The following SOX5 variants were observed in gnomAD, a reference collection of about 807,000 sequenced individuals.
SOX5 encodes transcription factor SOX-5.
SOX5 carries 9 observed loss-of-function variants against 92.0 expected under a neutral mutation model. The observed-to-expected ratio is 0.10, with a 90% confidence interval of 0.06 to 0.17. The LOEUF is 0.17. Among genes scored for constraint, SOX5 ranks in the 10% least tolerant of loss-of-function variants. SOX5 has a pLI of 1.00. For synonymous variants in SOX5, 344 were observed against 336.3 expected (o/e 1.02, Z -0.25); for missense variants, 642 against 944.5 (o/e 0.68, Z 4.20).
intron 1 of SOX5, among the ~76,000 whole-genome samples, chr12:24,388,712 C>G (rs78450840): frequency 0.024 from 3,714 of 152,184 alleles, 73 homozygotes; most frequent in East Asian, 0.05. Flanking sequence ...AATTTTTGAA[C>G]ACTTTCGTCA....
At chr12:23,880,980 C>A (rs979591615) in intron 2 of SOX5, among the ~76,000 whole-genome samples, 8 of 152,176 alleles carry the variant, frequency 5.3e-5, no homozygotes, top group African/African-American at 1.4e-4. Flanking sequence ...CTATTGTCTC[C>A]TTGATTTAAA....
chr12:24,070,391 A>G (rs979003340), intron 4 of SOX5, among the ~76,000 whole-genome samples: 1 of 152,136 alleles, frequency 6.6e-6, no homozygotes, highest in East Asian at 1.9e-4. Context: ...CATAATGGAC[A>G]GTTTTGTTTG....
chr12:23,543,970 C>T (rs961515600), intron 12 of SOX5, among the ~76,000 whole-genome samples: 1 of 152,170 alleles, frequency 6.6e-6, no homozygotes, highest in African/African-American at 2.4e-5. Context: ...AAATGCATGA[C>T]ATATGCTGAT....
At chr12:24,333,213 T>C (rs1337132870) in intron 2 of SOX5, among the ~76,000 whole-genome samples, 1 of 151,986 alleles carries the variant, frequency 6.6e-6, no homozygotes, top group Non-Finnish European at 1.5e-5. Context: ...GCTAGTTTAA[T>C]ACTGATGCTA....
intron 4 of SOX5, among the ~76,000 whole-genome samples, chr12:23,989,018 G>A (rs376700053): frequency 2.0e-5 from 3 of 152,222 alleles, no homozygotes; most frequent in Admixed American, 6.5e-5. Context: ...TGAGTAGGAA[G>A]TTGTTATTTC....
intron 4 of SOX5, among the ~76,000 whole-genome samples, chr12:24,162,406 G>T (rs894592753): frequency 1.3e-5 from 2 of 152,106 alleles, no homozygotes; most frequent in Non-Finnish European, 1.5e-5. Context: ...TCTGATATCA[G>T]GGTTGATAGA....
chr12:24,139,319 G>A (rs944993819), intron 4 of SOX5, among the ~76,000 whole-genome samples: 4 of 152,110 alleles, frequency 2.6e-5, no homozygotes, highest in African/African-American at 7.2e-5. Context: ...TTAATAGCTC[G>A]CTTCTTCTAA....
chr12:23,991,944 AAAAG>A (rs1287033492), intron 4 of SOX5, among the ~76,000 whole-genome samples: 1 of 152,164 alleles, frequency 6.6e-6, no homozygotes, highest in Non-Finnish European at 1.5e-5. Context: ...TTTAGCTCTG[AAAAG>A]AAAGAAGCAA....
intron 4 of SOX5, among the ~76,000 whole-genome samples, chr12:24,059,328 G>T (rs1252234919): frequency 6.6e-6 from 1 of 152,112 alleles, no homozygotes; most frequent in Non-Finnish European, 1.5e-5. Context: ...TTCATGCTTA[G>T]AAGAGTGGTA....
In SOX5 at chr12:24,288,496, A is replaced by G. The variant is rs560657856; in HGVS notation, c.-173-11184T>C. Reference sequence around the variant, plus strand: ...ATGCCTTAATCTTTGCTGTTTGACAATGCATTGAACAGTGGTTCAAGTGAC... The same window carrying G: ...ATGCCTTAATCTTTGCTGTTTGACAGTGCATTGAACAGTGGTTCAAGTGAC... On this transcript the variant is annotated intron_variant, in intron 2 of 4. Coordinates refer to the SOX5 transcript ENST00000446891. 2.0e-3 allele frequency among the ~76,000 whole-genome samples: 308 copies of G among 152,292 alleles called. 2 individuals are homozygous for G. The highest frequency in any genetic ancestry group is 5.2e-3 in the South Asian group (25 of 4,820).
intron 3 of SOX5, among the ~76,000 whole-genome samples, chr12:23,774,142 A>T (rs1214170348): frequency 2.6e-5 from 4 of 152,228 alleles, no homozygotes; most frequent in African/African-American, 9.6e-5. Flanking sequence ...AGCTGCTATC[A>T]TCTTCATCAA....
chr12:24,212,231 A>G (rs562429244), intron 4 of SOX5, among the ~76,000 whole-genome samples: 1 of 152,360 alleles, frequency 6.6e-6, no homozygotes, highest in Admixed American at 6.5e-5. Flanking sequence ...GTACATGCCA[A>G]TAAAAATGTG....
chr12:24,102,264 G>T (rs1360285436), intron 4 of SOX5, among the ~76,000 whole-genome samples: 1 of 152,178 alleles, frequency 6.6e-6, no homozygotes, highest in Non-Finnish European at 1.5e-5. Flanking sequence ...AGTGATGGCA[G>T]TGGGATTGTT....
intron 4 of SOX5, among the ~76,000 whole-genome samples, chr12:23,959,838 T>C (rs2139994185): frequency 6.6e-6 from 1 of 152,314 alleles, no homozygotes; most frequent in East Asian, 1.9e-4. Flanking sequence ...ATATGACAAT[T>C]TTTTAAATAA....
chr12:23,554,907 T>C (rs1434313028), intron 11 of SOX5, among the ~76,000 whole-genome samples: 2 of 152,156 alleles, frequency 1.3e-5, no homozygotes, highest in East Asian at 3.9e-4. Flanking sequence ...AGTGTCTTCA[T>C]TGTAAGTAAG....
chr12:24,158,000 T>G (rs1952369984), intron 4 of SOX5, among the ~76,000 whole-genome samples: 1 of 152,122 alleles, frequency 6.6e-6, no homozygotes. Context: ...ATTTTACTTT[T>G]GTTCCTTTAA....
intron 1 of SOX5, among the ~76,000 whole-genome samples, chr12:23,927,599 A>G (rs1940323020): frequency 6.6e-6 from 1 of 152,118 alleles, no homozygotes; most frequent in Non-Finnish European, 1.5e-5. Context: ...TGTTTACCTC[A>G]CAGACTATAT....
At chr12:23,541,812 G>A (rs1277463491) in intron 13 of SOX5, among the ~76,000 whole-genome samples, 1 of 152,046 alleles carries the variant, frequency 6.6e-6, no homozygotes, top group Non-Finnish European at 1.5e-5. Context: ...TGAGAATATG[G>A]GATCATAAAA....
chr12:23,933,024 T>A (rs1431544198), intron 1 of SOX5, among the ~76,000 whole-genome samples: 1 of 151,690 alleles, frequency 6.6e-6, no homozygotes, highest in Non-Finnish European at 1.5e-5. Flanking sequence ...ACTGCTTTCA[T>A]TCACACTGAT....
Sources: allele counts gnomAD v4.1 joint callset (sites outside exome capture counted in the v4.1 genomes callset), GRCh38; gene constraint gnomAD v4.1.1; transcripts MANE v1.5; gene names NCBI Gene and HGNC (gene_info 2026-07-23, HGNC 2026-07-21).